The following RBFOX1 variants were observed in gnomAD, a reference collection of about 807,000 sequenced individuals.
RBFOX1 encodes RNA binding protein fox-1 homolog 1.
In RBFOX1, 8 loss-of-function variants were observed where a neutral mutation model predicts 57.7. The observed-to-expected ratio is 0.14, with a 90% CI of 0.08 to 0.25. The LOEUF is 0.25. Ranked by LOEUF, RBFOX1 falls within the 10% of genes least tolerant of loss-of-function variation. RBFOX1 has a pLI of 1.00. For synonymous variants in RBFOX1, 326 were observed against 222.4 expected (o/e 1.47, Z -4.15); for missense variants, 611 against 548.5 (o/e 1.11, Z -1.14).
chr16:7,578,677 A>G (rs2093517591), intron 5 of RBFOX1, among the ~76,000 whole-genome samples: 1 of 152,232 alleles, frequency 6.6e-6, no homozygotes, highest in South Asian at 2.1e-4. Flanking sequence ...CTCACTCATA[A>G]ATTTGATAGG....
intron 1 of RBFOX1, among the ~76,000 whole-genome samples, chr16:5,434,236 A>G (rs2067844032): frequency 6.6e-6 from 1 of 151,158 alleles, no homozygotes; most frequent in Admixed American, 6.6e-5. Context: ...CCTTAGCAAA[A>G]TGAGGCCTTA....
intron 2 of RBFOX1, among the ~76,000 whole-genome samples, chr16:5,531,521 G>GA (rs1567199569): frequency 6.6e-6 from 1 of 152,136 alleles, no homozygotes; most frequent in Non-Finnish European, 1.5e-5. Flanking sequence ...AGGGACTGTT[G>GA]AAAAAATGTG....
At chr16:6,767,621 G>C (rs886609328) in intron 3 of RBFOX1, among the ~76,000 whole-genome samples, 1 of 151,970 alleles carries the variant, frequency 6.6e-6, no homozygotes, top group South Asian at 2.1e-4. Context: ...TCATCCCTAA[G>C]AAATTATGGA....
chr16:6,317,717 T>C (rs1599573940), intron 2 of RBFOX1, among the ~76,000 whole-genome samples: 1 of 152,192 alleles, frequency 6.6e-6, no homozygotes, highest in Non-Finnish European at 1.5e-5. Context: ...TTTTTTTATA[T>C]GCAGATATAC....
At chr16:6,599,079 G>C (rs1163106399) in intron 2 of RBFOX1, among the ~76,000 whole-genome samples, 1 of 152,200 alleles carries the variant, frequency 6.6e-6, no homozygotes. Flanking sequence ...AATGCTTTTA[G>C]ATTAAAATAA....
chr16:6,921,295 G>C (rs2074389854), intron 3 of RBFOX1, among the ~76,000 whole-genome samples: 2 of 152,154 alleles, frequency 1.3e-5, no homozygotes, highest in Admixed American at 1.3e-4. Context: ...CAATTTAGCT[G>C]TGTCCTTTGT....
chr16:6,064,038 T>A (rs1298567649), intron 1 of RBFOX1, among the ~76,000 whole-genome samples: 1 of 152,222 alleles, frequency 6.6e-6, no homozygotes, highest in Non-Finnish European at 1.5e-5. Flanking sequence ...CATATCTTGG[T>A]GCATTTCCCT....
chr16:6,858,465 A>G (rs556849296), intron 3 of RBFOX1, among the ~76,000 whole-genome samples: 2 of 152,302 alleles, frequency 1.3e-5, no homozygotes, highest in African/African-American at 4.8e-5. Context: ...GGACTTAGGC[A>G]TAGCACTTTG....
chr16:6,838,707 G>T (rs2093280966), intron 3 of RBFOX1, among the ~76,000 whole-genome samples: 1 of 152,064 alleles, frequency 6.6e-6, no homozygotes, highest in South Asian at 2.1e-4. Flanking sequence ...CCCAGTCTGG[G>T]GGCTTGCCCG....
At chr16:7,196,217 G>T (rs573846061) in intron 4 of RBFOX1, among the ~76,000 whole-genome samples, 1 of 152,160 alleles carries the variant, frequency 6.6e-6, no homozygotes, top group Non-Finnish European at 1.5e-5. Context: ...TGGTAATAAT[G>T]ATTCCGTTAA....
chr16:6,260,566 T>A (rs2097695835), intron 1 of RBFOX1, among the ~76,000 whole-genome samples: 1 of 152,166 alleles, frequency 6.6e-6, no homozygotes, highest in East Asian at 1.9e-4. Context: ...TGTATTAAGA[T>A]ATATATAAAG....
intron 14 of RBFOX1, among the ~76,000 whole-genome samples, chr16:7,699,279 C>T (rs376806873): frequency 3.3e-4 from 6 of 18,340 alleles, no homozygotes; most frequent in Non-Finnish European, 8.9e-4. Context: ...TAATCCTGGA[C>T]CTCCTGGGAT....
At chr16:6,724,999 G>T (rs971567450) in intron 3 of RBFOX1, among the ~76,000 whole-genome samples, 7 of 151,384 alleles carry the variant, frequency 4.6e-5, no homozygotes, top group East Asian at 1.9e-4. Flanking sequence ...GAGTAATGGG[G>T]ACAGCCAGGA....
chr16:7,028,448 G>T (rs1427260862), intron 3 of RBFOX1, among the ~76,000 whole-genome samples: 1 of 151,656 alleles, frequency 6.6e-6, no homozygotes, highest in Non-Finnish European at 1.5e-5. Flanking sequence ...TTAGCTGGGC[G>T]TGGTGGCTCA....
At chr16:6,517,550 G>C (rs1390961551) in intron 2 of RBFOX1, among the ~76,000 whole-genome samples, 9 of 152,114 alleles carry the variant, frequency 5.9e-5, no homozygotes, top group Admixed American at 5.9e-4. Flanking sequence ...GAGAGGATGT[G>C]AGGATTTATA....
intron 1 of RBFOX1, among the ~76,000 whole-genome samples, chr16:5,306,454 G>C (rs541466046): frequency 6.6e-6 from 1 of 151,894 alleles, no homozygotes; most frequent in African/African-American, 2.4e-5. Context: ...TAAATAGCTG[G>C]GATTATAGGT....
At chr16:5,449,504 C>T (rs1049789613) in intron 1 of RBFOX1, among the ~76,000 whole-genome samples, 1 of 152,184 alleles carries the variant, frequency 6.6e-6, no homozygotes, top group African/African-American at 2.4e-5. Context: ...AACTAAGTTG[C>T]CCAAGATCTA....
chr16:7,576,667 T>C (rs1166629761), intron 5 of RBFOX1, among the ~76,000 whole-genome samples: 3 of 152,244 alleles, frequency 2.0e-5, no homozygotes, highest in Non-Finnish European at 4.4e-5. Context: ...TAGAGATGAT[T>C]AATTTTAATT....
chr16:6,507,894 ATGTAT>A (rs545721843), intron 2 of RBFOX1, among the ~76,000 whole-genome samples: 3 of 152,296 alleles, frequency 2.0e-5, no homozygotes, highest in South Asian at 2.1e-4. Context: ...AGTTCTACAG[ATGTAT>A]TGTACAAAAT....
Sources: gnomAD v4.1 joint callset for allele counts (sites outside exome capture counted in the v4.1 genomes callset) on GRCh38, gnomAD v4.1.1 for gene constraint, MANE v1.5 for transcripts, NCBI Gene and HGNC (gene_info 2026-07-23, HGNC 2026-07-21) for gene names.